Variants in IQCH observed in about 807,000 individuals in gnomAD.
IQCH encodes the protein IQ domain-containing protein H.
Under a neutral mutation model 117.0 loss-of-function variants are expected in IQCH, and 98 were observed. That is an observed-to-expected ratio of 0.84 (90% CI 0.71 to 0.99). IQCH has a LOEUF of 0.99. IQCH is among the 50% of genes least tolerant of loss of function. The pLI is 0.00. For missense variants in IQCH, 1,102 were observed against 1,243.8 expected (o/e 0.89, Z 1.72); for synonymous variants, 412 against 448.2 (o/e 0.92, Z 1.02).
intron 4 of IQCH, among the ~76,000 whole-genome samples, chr15:67,327,775 C>CTA (rs1968477553): frequency 6.6e-6 from 1 of 152,140 alleles, no homozygotes; most frequent in African/African-American, 2.4e-5. Context: ...TGGCTGGGCT[C>CTA]CTTTAAAACC....
chr15:67,402,188 TA>T (rs1971688545), intron 14 of IQCH, among the ~76,000 whole-genome samples: 6 of 152,262 alleles, frequency 3.9e-5, no homozygotes, highest in Admixed American at 3.9e-4. Context: ...TTAATGTTAT[TA>T]AATGCAAAGC....
At position 67,288,851 on chromosome 15, in the gene IQCH, A is replaced by T. The variant is rs571034619; in HGVS notation, c.387+9339A>T. The stretch of plus-strand genomic sequence containing the variant: ...AATAAACATCATCTGAGACAGAAAG[A>T]AGCACTGTGGGCTACAGAATCAAAG... On this transcript the variant is annotated intron_variant, in intron 4 of 20. Coordinates refer to ENST00000335894, the MANE Select transcript of IQCH (RefSeq NM_001031715.3). Among the ~76,000 whole-genome samples the T allele has an allele frequency of 7.2e-5, 11 of 152,272 alleles. No individual in the cohort carries two copies. In the South Asian group the frequency reaches 2.3e-3, roughly 32 times the overall value.
At chr15:67,478,008 C>T (rs2083246569) in intron 18 of IQCH, among the ~76,000 whole-genome samples, 1 of 152,176 alleles carries the variant, frequency 6.6e-6, no homozygotes, top group Non-Finnish European at 1.5e-5. Flanking sequence ...AAACAGATGG[C>T]TAACGCCGAG....
At chr15:67,489,319 C>T (rs2083579521) in intron 18 of IQCH, among the ~76,000 whole-genome samples, 1 of 151,428 alleles carries the variant, frequency 6.6e-6, no homozygotes. Flanking sequence ...AGGTGTGAGC[C>T]ACCGCGCCCG....
At position 67,255,022 on chromosome 15, in the gene IQCH, A is replaced by G. The variant is rs999039916; in HGVS notation, c.51+75A>G. On this transcript the variant is annotated intron_variant, in intron 1 of 20. Transcript: ENST00000335894. The stretch of plus-strand genomic sequence containing the variant: ...CGAGCGAGGTCCCGCGCGCCGATTC[A>G]CCGACGCTCACCCATTTGGTGCGCC... The G allele has an allele frequency of 1.4e-5, 20 of 1,396,148 alleles. No individual in the cohort carries two copies. In the South Asian group the frequency reaches 2.0e-4, roughly 14 times the overall value. The allele number at this position is 1,396,148 out of a possible 1,614,324, so 86.5% of individuals were successfully genotyped here.
In IQCH at chr15:67,473,525, T is replaced by C. The variant is rs140289008; in HGVS notation, c.2677-2171T>C. On this transcript the variant is annotated intron_variant, in intron 17 of 20. Coordinates refer to ENST00000335894, the MANE Select transcript of IQCH (RefSeq NM_001031715.3). This position sits in a 1 kb window ranked among gnomAD's most constrained non-coding sequence, Gnocchi z 4.9. ...AATCACCTGCTTTTGCTCCAAAGCA[T>C]TTATCAATGGGCAGTGTCTTTCTTA... is the stretch of plus-strand genomic sequence containing the variant. Among the ~76,000 whole-genome samples, 87 of 152,364 alleles carry C rather than the reference T, an allele frequency of 5.7e-4. 2 individuals carry two copies. In the East Asian group the frequency reaches 0.017, roughly 29 times the overall value.
Position 67,451,485 on chromosome 15 carries a change from A to G in IQCH, c.2506-13642A>G, listed in dbSNP as rs545864497. ...TCTGCCTTCATTTCATTATTTACCC[A>G]GTAGTCATTCAGGAGCAGGTTGTTC... On this transcript the variant is annotated intron_variant, in intron 16 of 20. Coordinates refer to ENST00000335894, the MANE Select transcript of IQCH (RefSeq NM_001031715.3). Among the ~76,000 whole-genome samples the G allele has an allele frequency of 5.3e-5, 8 of 152,080 alleles. No homozygotes were observed. The South Asian group carries it at 8.4e-4, about 16-fold the overall frequency.
At chr15:67,361,867 G>A (rs953990954) in intron 8 of IQCH, among the ~76,000 whole-genome samples, 4 of 152,112 alleles carry the variant, frequency 2.6e-5, no homozygotes, top group Non-Finnish European at 5.9e-5. Context: ...AAAGGTTTGA[G>A]GTTGTTAAAA....
chr15:67,344,895 A>G (rs1477197554), intron 6 of IQCH, among the ~76,000 whole-genome samples: 2 of 152,216 alleles, frequency 1.3e-5, no homozygotes, highest in African/African-American at 4.8e-5. Flanking sequence ...GTCTCTAAGA[A>G]TTGCAATTTA....
Position 67,466,362 on chromosome 15 carries a change from T to C in IQCH, c.2676+1065T>C, listed in dbSNP as rs1436620340. ...TCTCACAGCTGCCAGAGGGTTTCTTTGGCCTTTCCTTACAACAGTGGGCTT... is the reference window on the plus strand; with the variant it reads ...TCTCACAGCTGCCAGAGGGTTTCTTCGGCCTTTCCTTACAACAGTGGGCTT... On this transcript the variant is annotated intron_variant, in intron 17 of 20. Transcript: ENST00000335894. This position sits in a 1 kb window ranked among gnomAD's most constrained non-coding sequence, Gnocchi z 4.4. 1.3e-5 allele frequency: 2 copies of C among 152,250 alleles called. No homozygotes were observed. Among genetic ancestry groups the C allele is most frequent in the African/African-American group, 4.8e-5 (2 of 41,470 alleles). The allele number at this position is 152,250 out of a possible 1,614,324, so 9.4% of individuals were successfully genotyped here. A position where few individuals can be genotyped will look rare whatever the true frequency, so the allele number is the denominator to read the frequency against.
chr15:67,484,596 C>T (rs1419286351), intron 18 of IQCH, among the ~76,000 whole-genome samples: 1 of 142,778 alleles, frequency 7.0e-6, no homozygotes, highest in Non-Finnish European at 1.5e-5. Flanking sequence ...AAAAAAATAG[C>T]TAGGGATGGT....
At chr15:67,308,299 G>A (rs1967407898) in intron 4 of IQCH, among the ~76,000 whole-genome samples, 1 of 152,150 alleles carries the variant, frequency 6.6e-6, no homozygotes, top group Non-Finnish European at 1.5e-5. Flanking sequence ...GCAGAATTTT[G>A]ACAGAGGTAG....
chr15:67,409,659 G>A lies in IQCH; in HGVS notation c.2098-7272G>A, dbSNP rs529748261. ...ATTTTCACCATTCTGTTTAATGAGA[G>A]CCGCCACCACAGCGAATCACTTGCC... is the stretch of plus-strand genomic sequence containing the variant. On this transcript the variant is annotated intron_variant, in intron 14 of 20. Transcript: ENST00000335894. Among the ~76,000 whole-genome samples, 18 of 152,348 alleles carry A rather than the reference G, an allele frequency of 1.2e-4. 1 individual carries two copies. The highest frequency in any genetic ancestry group is 2.2e-4 in the African/African-American group (9 of 41,580).
At chr15:67,280,837 G>GTTATTA (rs61573874) in intron 4 of IQCH, among the ~76,000 whole-genome samples, 3,504 of 125,080 alleles carry the variant, frequency 0.028, 52 homozygotes, top group African/African-American at 0.047. Flanking sequence ...AGAAGGAGGT[G>GTTATTA]TTATTATTAT....
At chr15:67,394,553 T>A (rs576740478) in intron 12 of IQCH, among the ~76,000 whole-genome samples, 1 of 152,170 alleles carries the variant, frequency 6.6e-6, no homozygotes, top group Admixed American at 6.6e-5. Flanking sequence ...TTAGTTTTGG[T>A]GTATGCTGTT....
rs1348469018 is a variant in IQCH, at chr15:67,404,704, T to G, written c.2097+4399T>G. ...ATAGTCGTCACAATTATTAGATGCA[T>G]AATATTCTCTCATATTGATGAACTC... On this transcript the variant is annotated intron_variant, in intron 14 of 20. Coordinates refer to ENST00000335894, the MANE Select transcript of IQCH (RefSeq NM_001031715.3). The surrounding 1 kb of genome is among the most constrained non-coding windows in gnomAD (Gnocchi z 4.6). 1 of 152,224 alleles carries G rather than the reference T, an allele frequency of 6.6e-6. No homozygotes were observed. The highest frequency in any genetic ancestry group is 1.5e-5 in the Non-Finnish European group (1 of 68,046). The allele number at this position is 152,224 out of a possible 1,614,324, so 9.4% of individuals were successfully genotyped here.
rs1325411562 is a variant in IQCH at position 67,474,761 on chromosome 15, G to A, written c.2677-935G>A. ...GGAAGAGTGGGAAAATATCTTTACA[G>A]CAGAGAAATCTGTAAAGTTTTTTCA... On this transcript the variant is annotated intron_variant, in intron 17 of 20. Coordinates refer to ENST00000335894, the MANE Select transcript of IQCH (RefSeq NM_001031715.3). This position sits in a 1 kb window ranked among gnomAD's most constrained non-coding sequence, Gnocchi z 4.1. Among the ~76,000 whole-genome samples, 3 of 152,190 alleles carry A rather than the reference G, an allele frequency of 2.0e-5. No homozygotes were observed. The highest frequency in any genetic ancestry group is 4.4e-5 in the Non-Finnish European group (3 of 68,042).
chr15:67,468,870 T>C (rs1335032302), intron 17 of IQCH, among the ~76,000 whole-genome samples: 1 of 152,232 alleles, frequency 6.6e-6, no homozygotes, highest in East Asian at 1.9e-4. Flanking sequence ...CAGAGATTTA[T>C]TACATAAGGA....
At chr15:67,397,526 A>G (rs538787955) in intron 13 of IQCH, among the ~76,000 whole-genome samples, 2 of 152,246 alleles carry the variant, frequency 1.3e-5, no homozygotes, top group Non-Finnish European at 2.9e-5. Context: ...TTTTCCAGAT[A>G]GTGACTACCC....
Sources: gnomAD v4.1 joint callset for allele counts (sites outside exome capture counted in the v4.1 genomes callset) on GRCh38, gnomAD v4.1.1 for gene constraint, Gnocchi (gnomAD v3.1) non-coding constraint, MANE v1.5 for transcripts, NCBI Gene and HGNC (gene_info 2026-07-23, HGNC 2026-07-21) for gene names.